The following TRHDE variants were observed in gnomAD, a reference collection of about 807,000 sequenced individuals.
TRHDE encodes thyrotropin releasing hormone degrading enzyme, also known as thyrotropin-releasing hormone-degrading ectoenzyme.
TRHDE carries 72 observed loss-of-function variants against 125.7 expected under a neutral mutation model. The observed-to-expected ratio is 0.57, with a 90% CI of 0.47 to 0.70. The LOEUF (loss-of-function observed/expected upper bound fraction) is 0.70. Among genes scored for constraint, TRHDE ranks in the 30% least tolerant of loss-of-function variants. The pLI is 0.00. For synonymous variants in TRHDE, 509 were observed against 509.1 expected (o/e 1.00, Z 0.00); for missense variants, 1,110 against 1,327.1 (o/e 0.84, Z 2.54).
intron 2 of TRHDE, among the ~76,000 whole-genome samples, chr12:72,124,363 T>A (rs933526159): frequency 8.5e-5 from 13 of 152,212 alleles, no homozygotes; most frequent in Admixed American, 7.2e-4. Flanking sequence ...TAGGAGATTT[T>A]GTTTACAATA....
intron 3 of TRHDE, among the ~76,000 whole-genome samples, chr12:72,409,853 G>A (rs1354904635): frequency 6.6e-6 from 1 of 152,012 alleles, no homozygotes; most frequent in Non-Finnish European, 1.5e-5. Flanking sequence ...CATAGTAACT[G>A]GTAATGATAA....
At chr12:72,651,384 C>T (rs1874497917) in intron 15 of TRHDE, among the ~76,000 whole-genome samples, 1 of 151,948 alleles carries the variant, frequency 6.6e-6, no homozygotes, top group Non-Finnish European at 1.5e-5. Flanking sequence ...GTATTTTAAT[C>T]ATCATGGTCC....
At chr12:72,434,528 C>T (rs1184327074) in intron 3 of TRHDE, among the ~76,000 whole-genome samples, 1 of 151,962 alleles carries the variant, frequency 6.6e-6, no homozygotes, top group East Asian at 1.9e-4. Context: ...CCTCATGCTG[C>T]CATTCTGGAT....
intron 13 of TRHDE, among the ~76,000 whole-genome samples, chr12:72,619,760 T>C (rs1014764872): frequency 1.3e-5 from 2 of 152,186 alleles, no homozygotes; most frequent in Non-Finnish European, 1.5e-5. Context: ...TGAACACTAT[T>C]TGTTTTCCTT....
At chr12:72,369,571 C>T (rs1348037733) in intron 2 of TRHDE, among the ~76,000 whole-genome samples, 1 of 151,984 alleles carries the variant, frequency 6.6e-6, no homozygotes, top group Non-Finnish European at 1.5e-5. Context: ...TATGACACAC[C>T]AACCTCTCAG....
At chr12:72,506,019 C>A (rs984345278) in intron 6 of TRHDE, among the ~76,000 whole-genome samples, 2 of 152,194 alleles carry the variant, frequency 1.3e-5, no homozygotes, top group Non-Finnish European at 2.9e-5. Context: ...TGCAACCCAG[C>A]CGGGCATGAT....
chr12:72,382,910 G>A (rs1872248820), intron 3 of TRHDE, among the ~76,000 whole-genome samples: 1 of 152,118 alleles, frequency 6.6e-6, no homozygotes, highest in Admixed American at 6.5e-5. Flanking sequence ...AAGGATTTGA[G>A]TTTCCACCTC....
intron 2 of TRHDE, among the ~76,000 whole-genome samples, chr12:72,107,290 G>A (rs1423385111): frequency 6.6e-6 from 1 of 152,048 alleles, no homozygotes; most frequent in Non-Finnish European, 1.5e-5. Context: ...TTTTTTACTT[G>A]TCGGAAGTTC....
At chr12:72,328,497 T>G (rs960608753) in intron 2 of TRHDE, among the ~76,000 whole-genome samples, 1 of 152,130 alleles carries the variant, frequency 6.6e-6, no homozygotes, top group Non-Finnish European at 1.5e-5. Flanking sequence ...ATTTAATTCA[T>G]CATGATCTGA....
chr12:72,538,080 T>G (rs949595025), intron 6 of TRHDE, among the ~76,000 whole-genome samples: 1 of 152,050 alleles, frequency 6.6e-6, no homozygotes, highest in Non-Finnish European at 1.5e-5. Flanking sequence ...TGTCTTCAGT[T>G]TCTATCTCCA....
At chr12:72,614,351 T>A (rs182046236) in intron 12 of TRHDE, among the ~76,000 whole-genome samples, 1 of 146,840 alleles carries the variant, frequency 6.8e-6, no homozygotes, top group Non-Finnish European at 1.5e-5. Context: ...CTCTAGAAAC[T>A]GATCAAATTA....
chr12:72,357,949 A>G (rs1441389806), intron 2 of TRHDE, among the ~76,000 whole-genome samples: 1 of 151,570 alleles, frequency 6.6e-6, no homozygotes, highest in Admixed American at 6.6e-5. Flanking sequence ...CTGAAAAATT[A>G]TGGCATTAGA....
At position 72,670,654 on chromosome 12, in the gene TRHDE, G is replaced by A. The variant is rs1460571340; in HGVS notation, c.*7459G>A. 1 of 151,562 alleles carries A rather than the reference G, an allele frequency of 6.6e-6. No homozygotes were observed. Among genetic ancestry groups the A allele is most frequent in the Admixed American group, 6.6e-5 (1 of 15,156 alleles). The allele number at this position is 151,562 out of a possible 1,614,324, so 9.4% of individuals were successfully genotyped here. On this transcript the variant is annotated 3_prime_UTR_variant, in exon 19 of 19. Coordinates refer to ENST00000261180, the MANE Select transcript of TRHDE (RefSeq NM_013381.3). ...TGGACTTTTTCATGACTATACACAT[G>A]CTGAGGCTAGAATAAAAACATATAT...
chr12:72,362,763 G>T (rs1359855739), intron 2 of TRHDE, among the ~76,000 whole-genome samples: 3 of 152,052 alleles, frequency 2.0e-5, no homozygotes, highest in Admixed American at 2.0e-4. Flanking sequence ...AAGAGATCCA[G>T]TTTCAGCTTT....
chr12:72,621,893 A>T, intron 15 of TRHDE, 142 bp downstream of exon 15: 1 of 621,902 alleles, frequency 1.6e-6, no homozygotes. Flanking sequence ...TCAGGTTCAC[A>T]GCTTCCAAGG....
intron 15 of TRHDE, among the ~76,000 whole-genome samples, chr12:72,627,180 A>G (rs1218295105): frequency 6.6e-6 from 1 of 151,898 alleles, no homozygotes; most frequent in African/African-American, 2.4e-5. Flanking sequence ...TAACTTCTCA[A>G]AATCTCAACT....
intron 3 of TRHDE, among the ~76,000 whole-genome samples, chr12:72,412,389 C>T (rs1208768030): frequency 6.6e-6 from 1 of 152,060 alleles, no homozygotes; most frequent in Non-Finnish European, 1.5e-5. Flanking sequence ...AATGTATTCT[C>T]ATCTGGTTGG....
At chr12:72,251,956 CAT>C (rs1272281489) in intron 2 of TRHDE, among the ~76,000 whole-genome samples, 1 of 152,060 alleles carries the variant, frequency 6.6e-6, no homozygotes, top group African/African-American at 2.4e-5. Context: ...TCTTCAGTGA[CAT>C]GTTTGCTCAT....
At chr12:72,174,805 G>T in intron 2 of TRHDE, among the ~76,000 whole-genome samples, 1 of 152,214 alleles carries the variant, frequency 6.6e-6, no homozygotes, top group South Asian at 2.1e-4. Context: ...TATTAACTTT[G>T]TCATTTCATT....
Sources: allele counts gnomAD v4.1 joint callset (sites outside exome capture counted in the v4.1 genomes callset), GRCh38; gene constraint gnomAD v4.1.1; transcripts MANE v1.5; gene names NCBI Gene and HGNC (gene_info 2026-07-23, HGNC 2026-07-21).